ANKRD28: variants seen among roughly 807,000 people sequenced by gnomAD.
ANKRD28 encodes the protein serine/threonine-protein phosphatase 6 regulatory ankyrin repeat subunit A.
In ANKRD28, 44 loss-of-function variants were observed where a neutral mutation model predicts 126.5. That is an observed-to-expected ratio of 0.35 (90% CI 0.27 to 0.45). The LOEUF (loss-of-function observed/expected upper bound fraction) is 0.45. ANKRD28 is among the 20% of genes least tolerant of loss of function. ANKRD28 has a pLI of 1.00. For missense variants in ANKRD28, 1,110 were observed against 1,316.6 expected, an observed-to-expected ratio of 0.84 and a Z score of 2.43; for synonymous variants, 442 against 468.5, an observed-to-expected ratio of 0.94 and a Z score of 0.73.
chr3:15,672,278 T>G (rs1436785156), intron 27 of ANKRD28, among the ~76,000 whole-genome samples: 1 of 152,012 alleles, frequency 6.6e-6, no homozygotes, highest in African/African-American at 2.4e-5. Flanking sequence ...TGACTAGCTC[T>G]GACTATAGGC....
At position 15,830,347 on chromosome 3, in the gene ANKRD28, T is replaced by TG. The variant is rs1559580709; in HGVS notation, c.27+29029dup. ...TGGACTGAGGACTGCTAGCCATTCA[T>TG]GGCCTGTCAGAAACTGGGCTGGATA... is the stretch of plus-strand genomic sequence containing the variant. On this transcript the variant is annotated intron_variant, in intron 1 of 27. Transcript: ENST00000399451. This position sits in a 1 kb window ranked among gnomAD's most constrained non-coding sequence, Gnocchi z 4.5. Among the ~76,000 whole-genome samples, 1 of 152,192 alleles carries TG rather than the reference T, an allele frequency of 6.6e-6. No homozygotes were observed. Among genetic ancestry groups the TG allele is most frequent in the African/African-American group, 2.4e-5 (1 of 41,432 alleles).
At position 15,714,543 on chromosome 3, in the gene ANKRD28, A is replaced by AC. The variant is rs749680626; in HGVS notation, c.1075+34_1075+35insG. ...TTTACTACATTTAAGAAAAAAAAAA[A>AC]AAAACCCCAAAAAAAAAACAGAAAT... is the stretch of plus-strand genomic sequence containing the variant. On this transcript the variant is annotated intron_variant, in intron 9 of 27. Transcript: ENST00000683139. 8.7e-6 allele frequency: 13 copies of AC among 1,491,322 alleles called. No homozygotes were observed. In the African/African-American group the frequency reaches 1.4e-4, roughly 17 times the overall value. The allele number at this position is 1,491,322 out of a possible 1,614,324, so 92.4% of individuals were successfully genotyped here.
At position 15,716,674 on chromosome 3, in the gene ANKRD28, C is replaced by T. The variant is rs150314535; in HGVS notation, c.997-2018G>A. 3.3e-5 allele frequency among the ~76,000 whole-genome samples: 5 copies of T among 152,190 alleles called. No homozygotes were observed. The East Asian group carries it at 7.7e-4, about 23-fold the overall frequency. On this transcript the variant is annotated intron_variant, in intron 8 of 27. Coordinates refer to ENST00000683139, the MANE Select transcript of ANKRD28 (RefSeq NM_001349278.2). The stretch of plus-strand genomic sequence containing the variant: ...AACAAGAGGAAAACTAACTAAACAA[C>T]CCCCACAACTCAAAACAAAACAAAT...
intron 15 of ANKRD28, 145 bp downstream of exon 15, chr3:15,695,988 CA>C (rs1293651043): frequency 2.7e-5 from 17 of 633,126 alleles, no homozygotes; most frequent in Non-Finnish European, 3.9e-5. Context: ...CTTACTAAAG[CA>C]AGTGTGAATT....
rs756895336 is a variant in ANKRD28, at chr3:15,713,514, G to A, written c.1190+13C>T. 9 of 1,600,654 alleles carry A rather than the reference G, an allele frequency of 5.6e-6. No homozygotes were observed. The highest frequency in any genetic ancestry group is 4.0e-5 in the African/African-American group (3 of 74,170). On this transcript the variant is annotated intron_variant, in intron 10 of 27. Coordinates refer to ENST00000683139, the MANE Select transcript of ANKRD28 (RefSeq NM_001349278.2). ...TGCCTGTATCAGTTATCAACACCTC[G>A]GTAAGTACTTACTTTGCAGTGTCAG...
intron 3 of ANKRD28, among the ~76,000 whole-genome samples, chr3:15,763,717 A>G (rs6442549): frequency 0.82 from 125,087 of 152,100 alleles, 51,591 homozygotes; most frequent in East Asian, 0.93. Context: ...GGCAGCCAGT[A>G]GGGTTAGAGC....
chr3:15,741,697 CTTTTTTTTTTTTTTTTTTTTTTTTTTT>C (rs58655271), intron 4 of ANKRD28, among the ~76,000 whole-genome samples: 22 of 33,664 alleles, frequency 6.5e-4, no homozygotes, highest in East Asian at 3.5e-3. Flanking sequence ...TGGTTCTATC[CTTTTTTTTTTTTTTTTTTTTTTTTTTT>C]TTTTTTTTTT....
intron 4 of ANKRD28, among the ~76,000 whole-genome samples, chr3:15,749,409 G>A (rs2057723812): frequency 6.6e-6 from 1 of 152,134 alleles, no homozygotes; most frequent in Admixed American, 6.5e-5. Context: ...ACCGCGCCCG[G>A]CCTATGTTTT....
intron 2 of ANKRD28, among the ~76,000 whole-genome samples, chr3:15,790,071 T>C (rs1334605270): frequency 6.6e-6 from 1 of 151,914 alleles, no homozygotes; most frequent in Non-Finnish European, 1.5e-5. Flanking sequence ...TTCCTAGACA[T>C]ATACAACCTA....
chr3:15,792,271 T>C (rs770016762), intron 2 of ANKRD28, among the ~76,000 whole-genome samples: 3 of 152,206 alleles, frequency 2.0e-5, no homozygotes, highest in African/African-American at 7.2e-5. Flanking sequence ...TGCACTCCTA[T>C]GTTTGTTGCA....
intron 4 of ANKRD28, among the ~76,000 whole-genome samples, chr3:15,741,424 C>T (rs78159856): frequency 0.056 from 8,586 of 152,100 alleles, 704 homozygotes; most frequent in African/African-American, 0.18. Context: ...GGATAACTAA[C>T]GGCACAGATG....
intron 18 of ANKRD28, among the ~76,000 whole-genome samples, chr3:15,688,207 C>G (rs1976479): frequency 0.47 from 70,875 of 152,086 alleles, 19,399 homozygotes; most frequent in Non-Finnish European, 0.6. Context: ...TGCATATGAT[C>G]TGCAATTATA....
In ANKRD28 at chr3:15,670,179, G is replaced by T; in HGVS notation, c.*91C>A. On this transcript the variant is annotated 3_prime_UTR_variant, in exon 28 of 28. Transcript: ENST00000683139. Reference sequence around the variant, plus strand: ...GCTCACTGTGGGATCTTTCCTCTTAGGTTGAATTTCTACGTGAATATCAAA... The same window carrying T: ...GCTCACTGTGGGATCTTTCCTCTTATGTTGAATTTCTACGTGAATATCAAA... The T allele has an allele frequency of 7.2e-7, 1 of 1,391,742 alleles. No homozygotes were observed. The highest frequency in any genetic ancestry group is 9.8e-7 in the Non-Finnish European group (1 of 1,024,784). The allele number at this position is 1,391,742 out of a possible 1,614,324, so 86.2% of individuals were successfully genotyped here.
At chr3:15,679,652 T>A in intron 21 of ANKRD28, 89 bp from the exon 22 acceptor site, 2 of 990,818 alleles carry the variant, frequency 2.0e-6, no homozygotes, top group Non-Finnish European at 3.1e-6. Flanking sequence ...AGGAAAAATG[T>A]AAAAGTCTCT....
At chr3:15,836,519 A>C (rs781579714) in intron 1 of ANKRD28, among the ~76,000 whole-genome samples, 4 of 152,204 alleles carry the variant, frequency 2.6e-5, no homozygotes, top group Non-Finnish European at 4.4e-5. Context: ...TAAACACTCC[A>C]TTAAAAAGAG....
In ANKRD28 at chr3:15,854,265, C is replaced by T. The variant is rs765529279; in HGVS notation, c.27+5112G>A. On this transcript the variant is annotated intron_variant, in intron 1 of 27. Coordinates refer to the ANKRD28 transcript ENST00000399451. The surrounding 1 kb of genome is among the most constrained non-coding windows in gnomAD (Gnocchi z 4.1). ...ATGTAGTCACTGTTAACTAATTTAT[C>T]TTCTCTTTTCCAACTACACACTCCA... 2.0e-5 allele frequency among the ~76,000 whole-genome samples: 3 copies of T among 152,206 alleles called. No homozygotes were observed. Among genetic ancestry groups the T allele is most frequent in the Non-Finnish European group, 2.9e-5 (2 of 68,036 alleles).
chr3:15,755,208 G>A (rs11922788), intron 3 of ANKRD28, among the ~76,000 whole-genome samples: 8,398 of 152,154 alleles, frequency 0.055, 669 homozygotes, highest in African/African-American at 0.18. Context: ...TTAATTCCTT[G>A]GAAAATAAAG....
intron 11 of ANKRD28, among the ~76,000 whole-genome samples, chr3:15,711,865 A>AC (rs1553603509): frequency 6.8e-6 from 1 of 147,558 alleles, no homozygotes; most frequent in Non-Finnish European, 1.5e-5. Flanking sequence ...TTTTTTTTGT[A>AC]TTTTTTTTTT....
chr3:15,703,475 T>C (rs2070916156), intron 14 of ANKRD28, among the ~76,000 whole-genome samples: 1 of 152,186 alleles, frequency 6.6e-6, no homozygotes, highest in Non-Finnish European at 1.5e-5. Flanking sequence ...ATTAGTGTCC[T>C]TATAAATAAG....
Sources: allele counts gnomAD v4.1 joint callset (sites outside exome capture counted in the v4.1 genomes callset), GRCh38; gene constraint gnomAD v4.1.1; non-coding constraint Gnocchi (gnomAD v3.1); transcripts MANE v1.5; gene names NCBI Gene and HGNC (gene_info 2026-07-23, HGNC 2026-07-21).